TMEM117: variants seen among roughly 807,000 people sequenced by gnomAD.
The protein encoded by TMEM117 is transmembrane protein 117.
Under a neutral mutation model 52.4 loss-of-function variants are expected in TMEM117, and 27 were observed. That is an observed-to-expected ratio of 0.51 (90% confidence interval 0.38 to 0.71). The LOEUF is 0.71. Among genes scored for constraint, TMEM117 ranks in the 30% least tolerant of loss-of-function variants. TMEM117 has a pLI of 0.00. For missense variants in TMEM117, 556 were observed against 630.5 expected, an observed-to-expected ratio of 0.88 and a Z score of 1.26; for synonymous variants, 215 against 206.3, an observed-to-expected ratio of 1.04 and a Z score of -0.36.
intron 3 of TMEM117, among the ~76,000 whole-genome samples, chr12:44,085,364 T>G (rs568349352): frequency 3.6e-4 from 55 of 152,268 alleles, no homozygotes; most frequent in African/African-American, 1.3e-3. Context: ...TAACCACAGA[T>G]TAAGAAATGT....
Position 44,058,080 on chromosome 12 carries a change from T to G in TMEM117, c.411-85445T>G, listed in dbSNP as rs573976635. On this transcript the variant is annotated intron_variant, in intron 3 of 7. Coordinates refer to ENST00000266534, the MANE Select transcript of TMEM117 (RefSeq NM_032256.3). ...AGAAGCCATTTGAGAGCAGCTGTGC[T>G]TCATTGTTTATTTTTATTCAATATT... is the stretch of plus-strand genomic sequence containing the variant. Among the ~76,000 whole-genome samples, 368 of 152,328 alleles carry G rather than the reference T, an allele frequency of 2.4e-3. 3 individuals carry two copies. The highest frequency in any genetic ancestry group is 8.4e-3 in the African/African-American group (350 of 41,576).
intron 1 of TMEM117, among the ~76,000 whole-genome samples, chr12:43,844,187 C>T (rs540819994): frequency 4.6e-5 from 7 of 152,256 alleles, no homozygotes; most frequent in African/African-American, 1.2e-4. Flanking sequence ...GTTAACCAGG[C>T]GTGGTGGCAC....
chr12:44,118,979 A>G (rs1948190578), intron 3 of TMEM117, among the ~76,000 whole-genome samples: 1 of 152,226 alleles, frequency 6.6e-6, no homozygotes. Context: ...CTAAAGTAAT[A>G]TGAAACTGTA....
chr12:44,298,119 A>C (rs922326266), intron 5 of TMEM117, among the ~76,000 whole-genome samples: 2 of 148,050 alleles, frequency 1.4e-5, no homozygotes, highest in Admixed American at 6.6e-5. Context: ...GTTTCTTTAT[A>C]TCCATTATAT....
At chr12:44,061,180 CAT>C (rs1411226997) in intron 3 of TMEM117, among the ~76,000 whole-genome samples, 1 of 152,060 alleles carries the variant, frequency 6.6e-6, no homozygotes, top group African/African-American at 2.4e-5. Context: ...CAGCAGAGGA[CAT>C]ATATTTTCTG....
At chr12:44,349,938 C>T (rs1951539352) in intron 6 of TMEM117, among the ~76,000 whole-genome samples, 1 of 151,916 alleles carries the variant, frequency 6.6e-6, no homozygotes, top group South Asian at 2.1e-4. Context: ...CCTGATGTAG[C>T]CAGGAAAGGC....
chr12:43,908,716 G>A (rs921596925), intron 2 of TMEM117, among the ~76,000 whole-genome samples: 2 of 152,020 alleles, frequency 1.3e-5, no homozygotes, highest in South Asian at 2.1e-4. Context: ...GATAAAACAG[G>A]CTTTAAGCCA....
At chr12:44,014,225 C>T (rs1460257502) in intron 3 of TMEM117, among the ~76,000 whole-genome samples, 1 of 152,150 alleles carries the variant, frequency 6.6e-6, no homozygotes, top group African/African-American at 2.4e-5. Context: ...GAGTTCCAGT[C>T]ACCCCACTGT....
intron 3 of TMEM117, among the ~76,000 whole-genome samples, chr12:43,974,577 C>T (rs1232880146): frequency 1.3e-5 from 2 of 151,972 alleles, no homozygotes; most frequent in East Asian, 1.9e-4. Context: ...AAGACTGCTC[C>T]TTGGAATTTC....
At chr12:44,006,489 C>T (rs1946198334) in intron 3 of TMEM117, among the ~76,000 whole-genome samples, 1 of 152,138 alleles carries the variant, frequency 6.6e-6, no homozygotes. Flanking sequence ...CTTGGTTTTT[C>T]ATGCAGATTG....
intron 3 of TMEM117, among the ~76,000 whole-genome samples, chr12:44,114,961 A>G (rs939000927): frequency 1.4e-4 from 22 of 152,344 alleles, no homozygotes; most frequent in Middle Eastern, 3.4e-3. Flanking sequence ...TTTACTGTAG[A>G]ATATCTTTAA....
intron 6 of TMEM117, among the ~76,000 whole-genome samples, chr12:44,371,285 A>G (rs1452611195): frequency 6.6e-6 from 1 of 152,224 alleles, no homozygotes; most frequent in Non-Finnish European, 1.5e-5. Flanking sequence ...AATACGGGGC[A>G]TAGAGATTAA....
intron 3 of TMEM117, among the ~76,000 whole-genome samples, chr12:43,946,249 A>G (rs1945129488): frequency 6.6e-6 from 1 of 152,164 alleles, no homozygotes; most frequent in African/African-American, 2.4e-5. Flanking sequence ...TTTGAACTCA[A>G]AGCACTGAGA....
At chr12:43,906,368 C>G (rs1944387517) in intron 2 of TMEM117, among the ~76,000 whole-genome samples, 1 of 151,446 alleles carries the variant, frequency 6.6e-6, no homozygotes, top group Non-Finnish European at 1.5e-5. Flanking sequence ...GAGGCTGAGG[C>G]AGGAGGATCA....
At chr12:44,250,735 G>A (rs1219534995) in intron 5 of TMEM117, among the ~76,000 whole-genome samples, 1 of 152,110 alleles carries the variant, frequency 6.6e-6, no homozygotes, top group Non-Finnish European at 1.5e-5. Flanking sequence ...AACTAACGCA[G>A]GAACAGAAAA....
At chr12:44,090,224 G>T (rs191618598) in intron 3 of TMEM117, among the ~76,000 whole-genome samples, 1 of 152,004 alleles carries the variant, frequency 6.6e-6, no homozygotes, top group Admixed American at 6.6e-5. Flanking sequence ...ACATGTGCAG[G>T]ATTGTTACGT....
chr12:44,360,782 A>G (rs1452205136), intron 6 of TMEM117, among the ~76,000 whole-genome samples: 1 of 152,156 alleles, frequency 6.6e-6, no homozygotes, highest in Non-Finnish European at 1.5e-5. Flanking sequence ...GGACTTGAGA[A>G]TCTTGTTTTA....
intron 2 of TMEM117, among the ~76,000 whole-genome samples, chr12:43,917,474 A>G (rs11182328): frequency 0.15 from 22,530 of 152,070 alleles, 2,577 homozygotes; most frequent in African/African-American, 0.32. Flanking sequence ...AGTGGTTACT[A>G]TTATTACCCT....
chr12:44,025,981 A>G (rs1189894807), intron 3 of TMEM117, among the ~76,000 whole-genome samples: 1 of 152,232 alleles, frequency 6.6e-6, no homozygotes, highest in Non-Finnish European at 1.5e-5. Flanking sequence ...TTCTCATTCA[A>G]AGATGACTGT....
Sources: gnomAD v4.1 joint callset for allele counts (sites outside exome capture counted in the v4.1 genomes callset) on GRCh38, gnomAD v4.1.1 for gene constraint, MANE v1.5 for transcripts, NCBI Gene and HGNC (gene_info 2026-07-23, HGNC 2026-07-21) for gene names.